Variants in ANKRD12 observed in about 807,000 individuals in gnomAD.
ANKRD12 encodes the protein ankyrin repeat domain 12, also known as ankyrin repeat domain-containing protein 12.
In ANKRD12, 85 loss-of-function variants were observed where a neutral mutation model predicts 183.4. That is an observed-to-expected ratio of 0.46 (90% CI 0.39 to 0.56). The LOEUF is 0.56. Ranked by LOEUF, ANKRD12 falls within the 20% of genes least tolerant of loss-of-function variation. The pLI, the probability that ANKRD12 is intolerant of heterozygous loss-of-function variation, is 0.00. For synonymous variants in ANKRD12, 914 were observed against 800.2 expected (o/e 1.14, Z -2.40); for missense variants, 2,405 against 2,357.1 (o/e 1.02, Z -0.42).
chr18:9,260,572 C>A (rs982367861), intron 9 of ANKRD12, among the ~76,000 whole-genome samples: 5 of 152,166 alleles, frequency 3.3e-5, no homozygotes, highest in Admixed American at 3.3e-4. Flanking sequence ...TGATTACACA[C>A]TACAGAAATC....
At position 9,254,558 on chromosome 18, in the gene ANKRD12, G is replaced by T; in HGVS notation, c.1291G>T (p.Glu431Ter). ...VLYSSTESSDEEALQNKKIST... is the reference protein window; with the variant it reads ...VLYSSTESSD ...ATATTCAAGTACTGAAAGTTCTGAT[G>T]AAGAAGCTCTTCAGAATAAAAAGAT... The change falls in exon 9 of 13, where the codon GAA becomes TAA. Residue 431 changes from glutamate to a stop codon, truncating the protein, a stop_gained. Coordinates refer to ENST00000262126, the MANE Select transcript of ANKRD12 (RefSeq NM_015208.5). LOFTEE classifies it high-confidence loss of function. 6.4e-7 allele frequency: 1 copy of T among 1,559,126 alleles called. No homozygotes were observed. The highest frequency in any genetic ancestry group is 1.2e-5 in the South Asian group (1 of 80,450).
chr18:9,179,640 T>C (rs1432622659), intron 1 of ANKRD12, among the ~76,000 whole-genome samples: 1 of 152,042 alleles, frequency 6.6e-6, no homozygotes, highest in Non-Finnish European at 1.5e-5. Context: ...CTCAGCCTCC[T>C]GAGTAGCTGG....
intron 3 of ANKRD12, among the ~76,000 whole-genome samples, chr18:9,196,445 T>C (rs1425393735): frequency 1.3e-5 from 2 of 152,228 alleles, no homozygotes; most frequent in Non-Finnish European, 2.9e-5. Context: ...GTTTTAGTCA[T>C]TGCATGAAAT....
chr18:9,221,176 G>A (rs1322551499), intron 7 of ANKRD12, among the ~76,000 whole-genome samples: 1 of 152,124 alleles, frequency 6.6e-6, no homozygotes, highest in African/African-American at 2.4e-5. Context: ...AAAGGAAGAG[G>A]ATATGAAGAA....
chr18:9,280,515 G>A (rs2040062081), intron 12 of ANKRD12, among the ~76,000 whole-genome samples: 1 of 152,218 alleles, frequency 6.6e-6, no homozygotes, highest in South Asian at 2.1e-4. Context: ...TAGGCCGGGT[G>A]TGGCAGTTCA....
chr18:9,169,361 G>A (rs1262711184), intron 1 of ANKRD12, among the ~76,000 whole-genome samples: 1 of 152,142 alleles, frequency 6.6e-6, no homozygotes, highest in Non-Finnish European at 1.5e-5. Flanking sequence ...CTCTTTGTAG[G>A]TCACTAAGGA....
chr18:9,162,929 C>A (rs371634342), intron 1 of ANKRD12, among the ~76,000 whole-genome samples: 1 of 152,076 alleles, frequency 6.6e-6, no homozygotes, highest in East Asian at 1.9e-4. Context: ...TCCTTGTAGA[C>A]TCTGGATATT....
chr18:9,216,654 T>G, intron 6 of ANKRD12, 104 bp from the exon 7 acceptor site: 1 of 1,129,650 alleles, frequency 8.9e-7, no homozygotes, highest in Non-Finnish European at 1.3e-6. Context: ...TTTTGCACGA[T>G]GTGCAGTTTT....
intron 12 of ANKRD12, among the ~76,000 whole-genome samples, chr18:9,279,953 AT>A: frequency 6.6e-6 from 1 of 152,344 alleles, no homozygotes; most frequent in South Asian, 2.1e-4. Context: ...GAAAAGGAAT[AT>A]AGTTTTCAAA....
At chr18:9,156,205 C>T (rs73392308) in intron 1 of ANKRD12, among the ~76,000 whole-genome samples, 2 of 150,392 alleles carry the variant, frequency 1.3e-5, no homozygotes, top group Non-Finnish European at 3.0e-5. Context: ...CTTTCTCTAT[C>T]CAAGGATTTT....
At chr18:9,223,274 G>A (rs946891566) in intron 8 of ANKRD12, among the ~76,000 whole-genome samples, 1 of 149,558 alleles carries the variant, frequency 6.7e-6, no homozygotes, top group Non-Finnish European at 1.5e-5. Flanking sequence ...TTTTTTTTGA[G>A]GTGGAGTCTC....
Position 9,281,085 on chromosome 18 carries a change from C to T in ANKRD12, c.6148C>T (p.Leu2050Phe), listed in dbSNP as rs1393980167. ...IYEIQEFYVP[L>F]VDVNDDFELT... is the part of the protein sequence containing the mutation. ...CGAAATCCAGGAGTTTTATGTTCCC[C>T]TTGTTGATGTTAACGACGACTTTGA... is the stretch of plus-strand genomic sequence containing the variant. Residue 2050 changes from leucine to phenylalanine, a missense_variant, in exon 13 of 13, where the codon CTT (leucine) becomes TTT (phenylalanine). Leu to Phe is a conservative substitution (Grantham distance 22). This residue lies in a region of ANKRD12 where 162 missense variants were observed against 272.2 expected (regional missense o/e 0.60). Transcript: ENST00000262126. 6.2e-7 allele frequency: 1 copy of T among 1,613,932 alleles called. No individual in the cohort carries two copies. Among genetic ancestry groups the T allele is most frequent in the Non-Finnish European group, 8.5e-7 (1 of 1,179,998 alleles).
intron 6 of ANKRD12, among the ~76,000 whole-genome samples, chr18:9,213,855 C>T (rs970137115): frequency 6.6e-6 from 1 of 151,782 alleles, no homozygotes; most frequent in Non-Finnish European, 1.5e-5. Flanking sequence ...GCCCTTAAGA[C>T]ATCAGGATTT....
In ANKRD12 at chr18:9,255,622, T is replaced by A; in HGVS notation, c.2355T>A (p.Phe785Leu). The A allele has an allele frequency of 1.3e-6, 2 of 1,571,102 alleles. No homozygotes were observed. Among genetic ancestry groups the A allele is most frequent in the Non-Finnish European group, 1.7e-6 (2 of 1,168,684 alleles). Residue 785 changes from phenylalanine to leucine, a missense_variant, in exon 9 of 13, where the codon TTT (phenylalanine) becomes TTA (leucine). By Grantham distance (22) the Phe-to-Leu change is conservative. Coordinates refer to ENST00000262126, the MANE Select transcript of ANKRD12 (RefSeq NM_015208.5). ...ENIPTDKDSE[F>L]TSLGMSAIEE... Reference sequence around the variant, plus strand: ...TACCCACAGATAAAGACTCAGAATTTACTTCTTTGGGTATGAGTGCCATTG... The same window carrying A: ...TACCCACAGATAAAGACTCAGAATTAACTTCTTTGGGTATGAGTGCCATTG...
chr18:9,270,125 G>A (rs1192778678), intron 10 of ANKRD12, among the ~76,000 whole-genome samples: 5 of 152,196 alleles, frequency 3.3e-5, no homozygotes, highest in African/African-American at 9.7e-5. Flanking sequence ...AGGTGCTGGA[G>A]AGAATGTGGA....
chr18:9,201,511 G>A (rs934614204), intron 3 of ANKRD12, among the ~76,000 whole-genome samples: 1 of 152,064 alleles, frequency 6.6e-6, no homozygotes, highest in African/African-American at 2.4e-5. Flanking sequence ...TTCTTTATTC[G>A]TTCCCAAGAG....
Position 9,168,809 on chromosome 18 carries a change from G to C in ANKRD12, c.-51-13573G>C, listed in dbSNP as rs537406883. Reference sequence around the variant, plus strand: ...CTTCTCTAGTTCTTTTAATTGTGATGTTAGGGTGTCAATTTTAGATCTTTC... The same window carrying C: ...CTTCTCTAGTTCTTTTAATTGTGATCTTAGGGTGTCAATTTTAGATCTTTC... On this transcript the variant is annotated intron_variant, in intron 1 of 12. Coordinates refer to ENST00000262126, the MANE Select transcript of ANKRD12 (RefSeq NM_015208.5). Among the ~76,000 whole-genome samples the C allele has an allele frequency of 2.3e-4, 35 of 152,184 alleles. No homozygotes were observed. In the East Asian group the frequency reaches 5.4e-3, roughly 24 times the overall value.
At chr18:9,201,432 T>C (rs187758428) in intron 3 of ANKRD12, among the ~76,000 whole-genome samples, 31 of 152,322 alleles carry the variant, frequency 2.0e-4, no homozygotes, top group African/African-American at 6.7e-4. Flanking sequence ...TAATTTACAA[T>C]TCTTTTGTTA....
chr18:9,148,788 A>G (rs1475667777), intron 1 of ANKRD12, among the ~76,000 whole-genome samples: 2 of 152,130 alleles, frequency 1.3e-5, no homozygotes, highest in Non-Finnish European at 2.9e-5. Context: ...CACCAAGGGC[A>G]CCTTTCTGAA....
Sources: gnomAD v4.1 joint callset for allele counts (sites outside exome capture counted in the v4.1 genomes callset) on GRCh38, gnomAD v4.1.1 for gene constraint, gnomAD v4.1.1 regional missense constraint, MANE v1.5 for transcripts, NCBI Gene and HGNC (gene_info 2026-07-23, HGNC 2026-07-21) for gene names.